RPS6KA2: variants seen among roughly 807,000 people sequenced by gnomAD.
RPS6KA2 encodes the protein ribosomal protein S6 kinase A2, also known as ribosomal protein S6 kinase alpha-2.
A neutral mutation model predicts 91.8 loss-of-function variants in RPS6KA2; 42 were observed. The observed-to-expected ratio is 0.46, with a 90% confidence interval of 0.36 to 0.59. RPS6KA2 has a LOEUF of 0.59. RPS6KA2 is among the 20% of genes least tolerant of loss of function. The pLI is 0.00. For synonymous variants in RPS6KA2, 414 were observed against 393.6 expected (o/e 1.05, Z -0.61); for missense variants, 798 against 978.5 (o/e 0.82, Z 2.46).
intron 2 of RPS6KA2, among the ~76,000 whole-genome samples, chr6:166,856,011 A>G (rs1257956094): frequency 6.6e-6 from 1 of 152,238 alleles, no homozygotes; most frequent in East Asian, 1.9e-4. Context: ...ACATTCTATG[A>G]TAGATTCACA....
At chr6:166,491,309 C>A (rs973721852) in intron 8 of RPS6KA2, among the ~76,000 whole-genome samples, 1 of 152,168 alleles carries the variant, frequency 6.6e-6, no homozygotes, top group Non-Finnish European at 1.5e-5. Flanking sequence ...TATTACTGGA[C>A]ACCTGCCAGG....
rs185041754 is a variant in RPS6KA2 at position 166,490,331 on chromosome 6, C to T, written c.818+340G>A. On this transcript the variant is annotated intron_variant, in intron 9 of 20. Coordinates refer to ENST00000265678, the MANE Select transcript of RPS6KA2 (RefSeq NM_021135.6). The surrounding 1 kb of genome is among the most constrained non-coding windows in gnomAD (Gnocchi z 4.2). ...ACTTCTGGGAGGTCACCAACCATCA[C>T]GCTTGAAAACCAGCCACTACACATT... 0.023 allele frequency among the ~76,000 whole-genome samples: 3,447 copies of T among 151,996 alleles called. 122 individuals carry two copies. The highest frequency in any genetic ancestry group is 0.079 in the African/African-American group (3,255 of 41,352).
At chr6:166,546,742 T>C (rs16899129) in intron 1 of RPS6KA2, among the ~76,000 whole-genome samples, 5,045 of 152,280 alleles carry the variant, frequency 0.033, 291 homozygotes, top group African/African-American at 0.12. Context: ...ATGTGTCCAA[T>C]GTGATCTCCT....
chr6:166,619,462 T>G (rs1165439629), intron 1 of RPS6KA2, among the ~76,000 whole-genome samples: 2 of 152,288 alleles, frequency 1.3e-5, no homozygotes, highest in Admixed American at 1.3e-4. Flanking sequence ...GCAAGAGGGC[T>G]TCTCGTAGCA....
At chr6:166,691,416 G>A (rs998065538) in intron 2 of RPS6KA2, among the ~76,000 whole-genome samples, 3 of 151,970 alleles carry the variant, frequency 2.0e-5, no homozygotes, top group Admixed American at 6.5e-5. Flanking sequence ...AACTCTTCTC[G>A]TGTGTCACTC....
At chr6:166,629,783 G>A (rs889442038), upstream of RPS6KA2, among the ~76,000 whole-genome samples, 1 of 152,152 alleles carries the variant, frequency 6.6e-6, no homozygotes, top group East Asian at 1.9e-4. Context: ...AGCACAGTAA[G>A]TTTGAGACTG....
intron 2 of RPS6KA2, among the ~76,000 whole-genome samples, chr6:166,678,124 C>T (rs545022753): frequency 3.9e-5 from 6 of 152,278 alleles, no homozygotes; most frequent in South Asian, 4.1e-4. Context: ...ACCAACAGCC[C>T]GGCTCAAGAA....
intron 2 of RPS6KA2, among the ~76,000 whole-genome samples, chr6:166,779,127 A>C: frequency 6.6e-6 from 1 of 152,216 alleles, no homozygotes; most frequent in Non-Finnish European, 1.5e-5. Context: ...AAAACATTGA[A>C]CGTAATCTAA....
intron 2 of RPS6KA2, among the ~76,000 whole-genome samples, chr6:166,761,089 A>T (rs959596634): frequency 6.6e-6 from 1 of 152,206 alleles, no homozygotes; most frequent in Admixed American, 6.5e-5. Context: ...TCTGAGACCG[A>T]GTCTTGCTCT....
At chr6:166,709,559 C>T (rs1789786940) in intron 2 of RPS6KA2, among the ~76,000 whole-genome samples, 1 of 152,240 alleles carries the variant, frequency 6.6e-6, no homozygotes, top group African/African-American at 2.4e-5. Context: ...TTATTCTTTA[C>T]ATCATCTTTC....
chr6:166,818,148 A>C (rs970621607), intron 2 of RPS6KA2, among the ~76,000 whole-genome samples: 3 of 150,934 alleles, frequency 2.0e-5, no homozygotes, highest in African/African-American at 7.5e-5. Context: ...AAAAATATTA[A>C]AATTAATATA....
At chr6:166,841,567 C>T (rs1305673719) in intron 2 of RPS6KA2, among the ~76,000 whole-genome samples, 8 of 152,254 alleles carry the variant, frequency 5.3e-5, no homozygotes, top group African/African-American at 7.2e-5. Context: ...TAGAAAAACT[C>T]AGCAGGTCTG....
Position 166,862,358 on chromosome 6 carries a change from C to T in RPS6KA2, c.-188G>A, listed in dbSNP as rs1781067286. 4.2e-6 allele frequency: 6 copies of T among 1,428,874 alleles called. No individual in the cohort carries two copies. The South Asian group carries it at 7.0e-5, about 17-fold the overall frequency. 88.5% of individuals were successfully genotyped at this position (1,428,874 alleles called of 1,614,324 possible). ...GAGGTCGTGAGCGCGGGGCCTGCGCCGGCCGGAGGAGGGACCCGGGGGGCT... is the reference window on the plus strand; with the variant it reads ...GAGGTCGTGAGCGCGGGGCCTGCGCTGGCCGGAGGAGGGACCCGGGGGGCT... On this transcript the variant is annotated 5_prime_UTR_variant, in exon 1 of 22. Coordinates refer to the RPS6KA2 transcript ENST00000503859.
At chr6:166,522,578 G>C (rs192027961) in intron 3 of RPS6KA2, among the ~76,000 whole-genome samples, 58 of 152,332 alleles carry the variant, frequency 3.8e-4, no homozygotes, top group African/African-American at 1.3e-3. Context: ...GGAGAGTGCG[G>C]GCTGTGCTAG....
At chr6:166,688,963 A>G (rs924616809) in intron 2 of RPS6KA2, among the ~76,000 whole-genome samples, 5 of 152,256 alleles carry the variant, frequency 3.3e-5, no homozygotes, top group African/African-American at 1.2e-4. Context: ...AAGAGATTTC[A>G]GTGGAGTGGA....
At chr6:166,449,552 A>T (rs1314264618) in intron 13 of RPS6KA2, among the ~76,000 whole-genome samples, 1 of 152,072 alleles carries the variant, frequency 6.6e-6, no homozygotes, top group African/African-American at 2.4e-5. Flanking sequence ...CCTTCCAAAG[A>T]CCTCCCAAAG....
intron 2 of RPS6KA2, among the ~76,000 whole-genome samples, chr6:166,682,725 C>T (rs1788868355): frequency 6.6e-6 from 1 of 152,184 alleles, no homozygotes; most frequent in South Asian, 2.1e-4. Flanking sequence ...TCATCGGAAA[C>T]CATGAAATGG....
At chr6:166,689,387 T>C (rs1359107665) in intron 2 of RPS6KA2, among the ~76,000 whole-genome samples, 4 of 152,248 alleles carry the variant, frequency 2.6e-5, no homozygotes, top group Non-Finnish European at 4.4e-5. Flanking sequence ...TATGTGTGCG[T>C]GGCTTCCCAA....
Position 166,639,529 on chromosome 6 carries a change from G to GAGCTTGGA in RPS6KA2, c.124-100753_124-100746dup, listed in dbSNP as rs1296483241. On this transcript the variant is annotated intron_variant, in intron 2 of 21. Coordinates refer to the RPS6KA2 transcript ENST00000503859. This position sits in a 1 kb window ranked among gnomAD's most constrained non-coding sequence, Gnocchi z 4.2. ...TTACCCCAGGGCATGCATAGCTCCAGAGCTTGGAAGCTTGGAAGCCCCAGA... is the reference window on the plus strand; with the variant it reads ...TTACCCCAGGGCATGCATAGCTCCAGAGCTTGGAAGCTTGGAAGCTTGGAAGCCCCAGA... Among the ~76,000 whole-genome samples, 1 of 152,164 alleles carries GAGCTTGGA rather than the reference G, an allele frequency of 6.6e-6. No homozygotes were observed. Among genetic ancestry groups the GAGCTTGGA allele is most frequent in the African/African-American group, 2.4e-5 (1 of 41,424 alleles).
Sources: allele counts gnomAD v4.1 joint callset (sites outside exome capture counted in the v4.1 genomes callset), GRCh38; gene constraint gnomAD v4.1.1; non-coding constraint Gnocchi (gnomAD v3.1); transcripts MANE v1.5; gene names NCBI Gene and HGNC (gene_info 2026-07-23, HGNC 2026-07-21).